COL6A5: variants seen among roughly 807,000 people sequenced by gnomAD.
The protein encoded by COL6A5 is collagen type VI alpha 5 chain, also known as collagen alpha-5(VI) chain.
A neutral mutation model predicts 65.6 loss-of-function variants in COL6A5; 48 were observed. The observed-to-expected ratio is 0.73, with a 90% confidence interval of 0.58 to 0.93. The LOEUF (loss-of-function observed/expected upper bound fraction) is 0.93, where lower values mean the gene tolerates loss of function less well. Ranked by LOEUF, COL6A5 falls within the 40% of genes least tolerant of loss-of-function variation. The pLI, the probability that COL6A5 is intolerant of heterozygous loss-of-function variation, is 0.00. For synonymous variants in COL6A5, 291 were observed against 322.8 expected, an observed-to-expected ratio of 0.90 and a Z score of 1.05; for missense variants, 914 against 928.3, an observed-to-expected ratio of 0.98 and a Z score of 0.20.
chr3:130,426,771 C>T (rs1937612631), upstream of COL6A5, among the ~76,000 whole-genome samples: 1 of 151,258 alleles, frequency 6.6e-6, no homozygotes, highest in Admixed American at 6.6e-5. Context: ...TAGTCGGTTA[C>T]TCAGTTAATA....
intron 17 of COL6A5, 25 bp downstream of exon 17, chr3:130,406,346 C>T: frequency 6.6e-7 from 1 of 1,522,886 alleles, no homozygotes; most frequent in South Asian, 1.2e-5. Flanking sequence ...TTCAATACTT[C>T]AAAGAAGGAG....
Position 130,413,921 on chromosome 3 carries a change from T to C in COL6A5, c.4699-148T>C, listed in dbSNP as rs1042948597. On this transcript the variant is annotated intron_variant and NMD_transcript_variant, in intron 21 of 41. Coordinates refer to the COL6A5 transcript ENST00000312481. ...AAGTTTATGTTCATTCCTTAGACAG[T>C]CTAGAACTGTAAAATCCTAGGCCAA... 260 of 656,700 alleles carry C rather than the reference T, an allele frequency of 4.0e-4. 4 individuals are homozygous for C. The highest frequency in any genetic ancestry group is 1.3e-4 in the Admixed American group (5 of 37,874). 40.7% of individuals were successfully genotyped at this position (656,700 alleles called of 1,614,324 possible).
chr3:130,365,435 G>A (rs1047983834), intron 1 of COL6A5, among the ~76,000 whole-genome samples: 11 of 152,098 alleles, frequency 7.2e-5, no homozygotes, highest in African/African-American at 2.7e-4. Flanking sequence ...CCGCTACTAC[G>A]CCCGGCTAAT....
At chr3:130,384,140 T>A (rs1268173094) in intron 4 of COL6A5, among the ~76,000 whole-genome samples, 8 of 151,946 alleles carry the variant, frequency 5.3e-5, no homozygotes. Context: ...TGTGGATATT[T>A]GGGGCAAAGA....
intron 4 of COL6A5, among the ~76,000 whole-genome samples, chr3:130,444,417 T>C (rs1474485632): frequency 2.0e-5 from 3 of 152,088 alleles, no homozygotes; most frequent in South Asian, 2.1e-4. Context: ...TGTTTAGAGA[T>C]TGCAGTAAAG....
chr3:130,470,835 G>A (rs1169127646), intron 6 of COL6A5, 36 bp from the exon 39 acceptor site: 1 of 1,489,270 alleles, frequency 6.7e-7, no homozygotes, highest in Non-Finnish European at 9.3e-7. Flanking sequence ...ATGTAGGTGG[G>A]TAAAATTTAG....
intron 11 of COL6A5, 93 bp downstream of exon 11, chr3:130,401,266 C>A: frequency 9.0e-7 from 1 of 1,116,012 alleles, no homozygotes; most frequent in Non-Finnish European, 1.3e-6. Context: ...CCTTTGTTTA[C>A]CCCCACTAAA....
rs565432547 is a variant in COL6A5, at chr3:130,480,489, G to A, written c.2329-3546G>A. 3.2e-3 allele frequency among the ~76,000 whole-genome samples: 490 copies of A among 152,108 alleles called. 2 individuals carry two copies. The highest frequency in any genetic ancestry group is 6.8e-3 in the Middle Eastern group (2 of 294). On this transcript the variant is annotated intron_variant, in intron 7 of 7. Transcript: ENST00000512836. Reference sequence around the variant, plus strand: ...TGGAAGGGAAATACAAATTTAAGGAGAGAAATGAACACTATAAACTATCTG... The same window carrying A: ...TGGAAGGGAAATACAAATTTAAGGAAAGAAATGAACACTATAAACTATCTG...
chr3:130,383,192 A>G (rs1439148953), intron 4 of COL6A5, among the ~76,000 whole-genome samples: 1 of 152,092 alleles, frequency 6.6e-6, no homozygotes. Flanking sequence ...AATATTCTGT[A>G]TCTATGCTAA....
chr3:130,479,987 CT>C (rs1710195378), intron 7 of COL6A5, among the ~76,000 whole-genome samples: 1 of 151,936 alleles, frequency 6.6e-6, no homozygotes, highest in African/African-American at 2.4e-5. Context: ...TGAAAGATTA[CT>C]GGGTGATTTT....
intron 27 of COL6A5, among the ~76,000 whole-genome samples, chr3:130,422,377 A>G (rs1194532963): frequency 6.6e-6 from 1 of 152,062 alleles, no homozygotes; most frequent in Non-Finnish European, 1.5e-5. Flanking sequence ...ATGTTTTATG[A>G]ATTTATAAAG....
intron 1 of COL6A5, among the ~76,000 whole-genome samples, chr3:130,366,020 C>A (rs1043440206): frequency 8.5e-5 from 13 of 152,176 alleles, no homozygotes; most frequent in African/African-American, 3.1e-4. Context: ...CAACCAGACC[C>A]CATAAGGGTC....
exon 4 of COL6A5, chr3:130,379,701 C>T (rs1475927128): frequency 1.3e-6 from 2 of 1,551,436 alleles, no homozygotes; most frequent in South Asian, 2.4e-5. Flanking sequence ...CAGGGGCTGC[C>T]ATTGATCAGA....
rs1935288602 is a variant in COL6A5 at position 130,365,206 on chromosome 3, G to A, written c.-28-8405G>A. Among the ~76,000 whole-genome samples, 5 of 152,210 alleles carry A rather than the reference G, an allele frequency of 3.3e-5. No individual in the cohort carries two copies. In the South Asian group the frequency reaches 1.0e-3, roughly 32 times the overall value. ...AACTACATGGTTTGAAAGTGGGGAAGGAGAATCCTCAGAAGGAGTAATGAA... is the reference window on the plus strand; with the variant it reads ...AACTACATGGTTTGAAAGTGGGGAAAGAGAATCCTCAGAAGGAGTAATGAA... On this transcript the variant is annotated intron_variant and NMD_transcript_variant, in intron 1 of 41. Transcript: ENST00000312481.
chr3:130,433,024 T>A (rs1304650334), intron 1 of COL6A5, among the ~76,000 whole-genome samples: 3 of 152,306 alleles, frequency 2.0e-5, no homozygotes, highest in East Asian at 3.9e-4. Flanking sequence ...AAAGGTCTAT[T>A]TTTATAAAAA....
upstream of COL6A5, among the ~76,000 whole-genome samples, chr3:130,430,161 C>T (rs115804093): frequency 2.8e-3 from 420 of 152,324 alleles, 3 homozygotes; most frequent in African/African-American, 9.5e-3. Context: ...GATGTAGACC[C>T]TCAGGGTCTT....
chr3:130,355,068 T>C (rs781740291), intron 1 of COL6A5, among the ~76,000 whole-genome samples: 3 of 152,156 alleles, frequency 2.0e-5, no homozygotes, highest in Non-Finnish European at 4.4e-5. Flanking sequence ...TTACTTTTGT[T>C]AATGTGCTAC....
chr3:130,468,889 C>G, exon 6 of COL6A5: 2 of 1,612,028 alleles, frequency 1.2e-6, no homozygotes, highest in Non-Finnish European at 1.7e-6. Context: ...TGGCTTTCCT[C>G]ATAGATGCTT....
chr3:130,376,972 T>A, intron 3 of COL6A5, 136 bp downstream of exon 3: 1 of 962,614 alleles, frequency 1.0e-6, no homozygotes, highest in Non-Finnish European at 1.5e-6. Flanking sequence ...ACATCATACC[T>A]ACTCGCTTCT....
Sources: allele counts gnomAD v4.1 joint callset (sites outside exome capture counted in the v4.1 genomes callset), GRCh38; gene constraint gnomAD v4.1.1; transcripts MANE v1.5; gene names NCBI Gene and HGNC (gene_info 2026-07-23, HGNC 2026-07-21).